KCNQ5: variants seen among roughly 807,000 people sequenced by gnomAD.
The protein encoded by KCNQ5 is potassium voltage-gated channel subfamily KQT member 5.
Under a neutral mutation model 98.2 loss-of-function variants are expected in KCNQ5, and 30 were observed. That is an observed-to-expected ratio of 0.31 (90% CI 0.23 to 0.41). KCNQ5 has a LOEUF of 0.41. KCNQ5 is among the 10% of genes least tolerant of loss of function. The pLI is 1.00. For synonymous variants in KCNQ5, 458 were observed against 449.4 expected (o/e 1.02, Z -0.24); for missense variants, 835 against 1,182.5 (o/e 0.71, Z 4.31).
At chr6:73,055,207 G>A (rs189635434) in intron 3 of KCNQ5, 95 of 1,065,576 alleles carry the variant, frequency 8.9e-5, no homozygotes, top group Admixed American at 7.8e-4. Context: ...GCCATGAGGC[G>A]GCAAAGCAGG....
intron 1 of KCNQ5, among the ~76,000 whole-genome samples, chr6:72,784,785 A>T (rs184983610): frequency 7.5e-4 from 114 of 152,350 alleles, no homozygotes; most frequent in Admixed American, 1.8e-3. Context: ...CCCTTTGGCC[A>T]GAACTGAGTC....
chr6:73,112,020 T>C (rs1775261148), intron 7 of KCNQ5, among the ~76,000 whole-genome samples: 2 of 152,230 alleles, frequency 1.3e-5, no homozygotes, highest in South Asian at 4.1e-4. Context: ...TATTTCATTT[T>C]CTTTTCACTA....
chr6:73,125,423 A>G (rs1235142209), intron 9 of KCNQ5: 1 of 518,498 alleles, frequency 1.9e-6, no homozygotes, highest in African/African-American at 1.9e-5. Context: ...ACCAGCAAGG[A>G]GAATCCCAGG....
chr6:72,763,344 A>T (rs1393540548), intron 1 of KCNQ5, among the ~76,000 whole-genome samples: 1 of 152,052 alleles, frequency 6.6e-6, no homozygotes, highest in East Asian at 1.9e-4. Flanking sequence ...ATTTAAAAGA[A>T]ACAGTGTGGG....
intron 1 of KCNQ5, among the ~76,000 whole-genome samples, chr6:72,834,336 C>G (rs1296542769): frequency 2.0e-5 from 3 of 152,094 alleles, no homozygotes; most frequent in Non-Finnish European, 4.4e-5. Context: ...CTGTACTGCT[C>G]AAAAGCAATT....
intron 1 of KCNQ5, among the ~76,000 whole-genome samples, chr6:72,744,411 T>C (rs941769654): frequency 6.6e-6 from 1 of 152,240 alleles, no homozygotes; most frequent in Non-Finnish European, 1.5e-5. Context: ...GAAGGGGAGA[T>C]GTTCTGATCT....
chr6:72,794,806 C>T (rs75344986), intron 1 of KCNQ5, among the ~76,000 whole-genome samples: 6,614 of 152,064 alleles, frequency 0.043, 458 homozygotes, highest in African/African-American at 0.15. Flanking sequence ...GAAAAGATGG[C>T]GTTTTGCAAC....
At chr6:72,692,005 G>A (rs897382731) in intron 1 of KCNQ5, among the ~76,000 whole-genome samples, 5 of 152,216 alleles carry the variant, frequency 3.3e-5, no homozygotes, top group African/African-American at 1.2e-4. Flanking sequence ...GGTTTAATGA[G>A]AGAGTCTTCA....
intron 1 of KCNQ5, among the ~76,000 whole-genome samples, chr6:72,917,321 GT>G (rs1297718122): frequency 2.6e-5 from 4 of 152,162 alleles, no homozygotes; most frequent in African/African-American, 9.6e-5. Flanking sequence ...ATTTTTAAAA[GT>G]GTGAATGTAA....
chr6:73,002,167 A>T lies in KCNQ5; in HGVS notation c.399-1741A>T, dbSNP rs552548659. On this transcript the variant is annotated intron_variant, in intron 1 of 13. Coordinates refer to ENST00000370398, the MANE Select transcript of KCNQ5 (RefSeq NM_019842.4). ...AATGAAAAATAAAAAAGCATGATGAATCATTAACATCGTGTACTAGGTTTT... is the reference window on the plus strand; with the variant it reads ...AATGAAAAATAAAAAAGCATGATGATTCATTAACATCGTGTACTAGGTTTT... Among the ~76,000 whole-genome samples the T allele has an allele frequency of 6.6e-5, 10 of 152,256 alleles. 1 individual carries two copies. In the South Asian group the frequency reaches 1.2e-3, roughly 19 times the overall value.
chr6:72,674,143 A>G (rs1277871308), intron 1 of KCNQ5, among the ~76,000 whole-genome samples: 1 of 152,204 alleles, frequency 6.6e-6, no homozygotes, highest in Admixed American at 6.5e-5. Context: ...TCCTTTTTGG[A>G]AACAGGAGAA....
intron 11 of KCNQ5, among the ~76,000 whole-genome samples, chr6:73,184,935 GT>G (rs2150518382): frequency 6.6e-6 from 1 of 152,306 alleles, no homozygotes; most frequent in South Asian, 2.1e-4. Flanking sequence ...TCCTTCTAGA[GT>G]TGCCCGAAGT....
At chr6:72,799,572 C>T (rs1419105871) in intron 1 of KCNQ5, among the ~76,000 whole-genome samples, 1 of 152,164 alleles carries the variant, frequency 6.6e-6, no homozygotes, top group Non-Finnish European at 1.5e-5. Flanking sequence ...AGGTTGTATA[C>T]CATTTCAACT....
intron 1 of KCNQ5, chr6:72,987,765 T>C: frequency 2.1e-6 from 1 of 470,436 alleles, no homozygotes. Context: ...TAGAGTTTTG[T>C]CCCCTCAAAA....
intron 10 of KCNQ5, chr6:73,134,778 T>C (rs1418887252): frequency 2.6e-5 from 4 of 152,314 alleles, no homozygotes; most frequent in Non-Finnish European, 5.9e-5. Flanking sequence ...GATCCTGCCA[T>C]GCTTCCCCGC....
At chr6:72,899,266 T>C (rs1336807258) in intron 1 of KCNQ5, among the ~76,000 whole-genome samples, 2 of 152,182 alleles carry the variant, frequency 1.3e-5, no homozygotes, top group African/African-American at 4.8e-5. Context: ...TCAAAATTCA[T>C]TTCTAATAAC....
chr6:73,012,749 A>C (rs1770137119), intron 2 of KCNQ5, among the ~76,000 whole-genome samples: 1 of 152,100 alleles, frequency 6.6e-6, no homozygotes, highest in Non-Finnish European at 1.5e-5. Context: ...TGATAGATGC[A>C]GCAAACCACC....
chr6:72,795,458 C>G (rs1774279313), intron 1 of KCNQ5, among the ~76,000 whole-genome samples: 1 of 152,154 alleles, frequency 6.6e-6, no homozygotes, highest in South Asian at 2.1e-4. Flanking sequence ...GTACATATCC[C>G]TCTTGAGATG....
At chr6:72,835,031 T>G (rs1776440074) in intron 1 of KCNQ5, among the ~76,000 whole-genome samples, 1 of 152,178 alleles carries the variant, frequency 6.6e-6, no homozygotes, top group South Asian at 2.1e-4. Flanking sequence ...TTCAAGTATG[T>G]GAAACCCCCA....
Sources: allele counts gnomAD v4.1 joint callset (sites outside exome capture counted in the v4.1 genomes callset), GRCh38; gene constraint gnomAD v4.1.1; transcripts MANE v1.5; gene names NCBI Gene and HGNC (gene_info 2026-07-23, HGNC 2026-07-21).